Variants in PHACTR4 observed in about 807,000 individuals in gnomAD.
PHACTR4 encodes the protein protein phosphatase 1, regulatory subunit 124.
Under a neutral mutation model 72.7 loss-of-function variants are expected in PHACTR4, and 51 were observed. That is an observed-to-expected ratio of 0.70 (90% CI 0.56 to 0.89). PHACTR4 has a LOEUF of 0.89. Ranked by LOEUF, PHACTR4 falls within the 40% of genes least tolerant of loss-of-function variation. PHACTR4 has a pLI of 0.00. For synonymous variants in PHACTR4, 255 were observed against 302.5 expected (o/e 0.84, Z 1.63); for missense variants, 731 against 861.8 (o/e 0.85, Z 1.90).
chr1:28,405,197 G>C (rs1457433346), intron 1 of PHACTR4, among the ~76,000 whole-genome samples: 1 of 152,000 alleles, frequency 6.6e-6, no homozygotes, highest in Non-Finnish European at 1.5e-5. Context: ...TTGTTATTGA[G>C]TTATTGTTCT....
At chr1:28,455,023 C>T (rs566451108) in intron 2 of PHACTR4, among the ~76,000 whole-genome samples, 48 of 151,798 alleles carry the variant, frequency 3.2e-4, no homozygotes, top group African/African-American at 1.2e-3. Flanking sequence ...CCATACTCAG[C>T]TAATTTTTTT....
At chr1:28,425,190 C>T (rs779237094) in intron 2 of PHACTR4, among the ~76,000 whole-genome samples, 15 of 152,182 alleles carry the variant, frequency 9.9e-5, no homozygotes, top group Non-Finnish European at 1.3e-4. Context: ...CGATCTTCAG[C>T]TAACTGCAGC....
intron 11 of PHACTR4, 129 bp downstream of exon 11, chr1:28,491,141 G>A: frequency 3.3e-6 from 3 of 901,626 alleles, no homozygotes; most frequent in Non-Finnish European, 1.7e-6. Flanking sequence ...GGCCATGGCA[G>A]GAGGATTGCT....
chr1:28,465,981 G>A, intron 5 of PHACTR4, 132 bp downstream of exon 5: 1 of 873,104 alleles, frequency 1.1e-6, no homozygotes, highest in Non-Finnish European at 1.7e-6. Context: ...ACCTTAACTA[G>A]CAACTTCAAG....
At chr1:28,462,640 A>G (rs1269194963) in intron 4 of PHACTR4, among the ~76,000 whole-genome samples, 11 of 138,598 alleles carry the variant, frequency 7.9e-5, no homozygotes, top group African/African-American at 3.0e-4. Context: ...TTCTGGGATT[A>G]TAGGCATGAG....
chr1:28,458,572 T>A (rs1233091308), intron 2 of PHACTR4, among the ~76,000 whole-genome samples: 1 of 152,180 alleles, frequency 6.6e-6, no homozygotes, highest in African/African-American at 2.4e-5. Flanking sequence ...CCCTGAGCAC[T>A]TTCCAATACC....
intron 1 of PHACTR4, among the ~76,000 whole-genome samples, chr1:28,389,233 C>T (rs1247100824): frequency 1.3e-5 from 2 of 152,052 alleles, no homozygotes; most frequent in African/African-American, 4.8e-5. Flanking sequence ...AAATGGCCAA[C>T]AAGTATATGA....
intron 2 of PHACTR4, among the ~76,000 whole-genome samples, chr1:28,418,807 C>T (rs1317808852): frequency 3.3e-5 from 5 of 150,046 alleles, no homozygotes; most frequent in Non-Finnish European, 5.9e-5. Context: ...AAAATTTAGC[C>T]GGGCATGATG....
At chr1:28,434,921 T>C (rs1045198192) in intron 2 of PHACTR4, among the ~76,000 whole-genome samples, 6 of 152,200 alleles carry the variant, frequency 3.9e-5, no homozygotes, top group Non-Finnish European at 7.3e-5. Flanking sequence ...TCTATCTTGT[T>C]ATACTCTTGT....
At chr1:28,373,492 G>A (rs892513147) in intron 1 of PHACTR4, among the ~76,000 whole-genome samples, 7 of 152,120 alleles carry the variant, frequency 4.6e-5, no homozygotes, top group Non-Finnish European at 1.0e-4. Context: ...AATTCACCAT[G>A]TTGGCCAGAC....
At chr1:28,430,617 A>G (rs1185889345) in intron 2 of PHACTR4, among the ~76,000 whole-genome samples, 1 of 152,140 alleles carries the variant, frequency 6.6e-6, no homozygotes, top group Non-Finnish European at 1.5e-5. Flanking sequence ...TTTGATGTGA[A>G]TATGTATTTG....
At chr1:28,480,652 TTG>T in intron 9 of PHACTR4, 48 bp downstream of exon 9, 4 of 1,606,692 alleles carry the variant, frequency 2.5e-6, no homozygotes, top group South Asian at 1.1e-5. Context: ...ATGCCAGTAT[TTG>T]TGTTAGATGT....
chr1:28,370,078 C>A (rs569806897), intron 1 of PHACTR4, among the ~76,000 whole-genome samples: 2 of 152,150 alleles, frequency 1.3e-5, no homozygotes, highest in African/African-American at 2.4e-5. Flanking sequence ...TCTCCGCCCC[C>A]CGAGACTTGG....
At chr1:28,492,499 C>T (rs1327021880) in intron 12 of PHACTR4, among the ~76,000 whole-genome samples, 1 of 148,918 alleles carries the variant, frequency 6.7e-6, no homozygotes, top group African/African-American at 2.5e-5. Context: ...CAGTGGCTCA[C>T]ACCTGTAATC....
At chr1:28,490,319 C>T (rs974627733) in intron 10 of PHACTR4, among the ~76,000 whole-genome samples, 3 of 151,562 alleles carry the variant, frequency 2.0e-5, no homozygotes, top group African/African-American at 4.8e-5. Context: ...ATCACAAGGT[C>T]AGGAGATCGA....
rs1661556740 is a variant in PHACTR4 at position 28,499,627 on chromosome 1, C to G, written c.*3078C>G. The G allele has an allele frequency of 6.6e-6, 1 of 152,162 alleles. No individual in the cohort carries two copies. The highest frequency in any genetic ancestry group is 2.1e-4 in the South Asian group (1 of 4,826). The allele number at this position is 152,162 out of a possible 1,614,324, so 9.4% of individuals were successfully genotyped here. On this transcript the variant is annotated 3_prime_UTR_variant, in exon 14 of 14. Transcript: ENST00000373839. ...AAGTAGCTGGGACTACAGGCACGTG[C>G]CACCAGGCCCAGCTAATTTTTGTGT...
At position 28,392,127 on chromosome 1, in the gene PHACTR4, TC is replaced by T. The variant is rs1292243979; in HGVS notation, c.-38-15281del. Among the ~76,000 whole-genome samples the T allele has an allele frequency of 4.6e-5, 7 of 152,186 alleles. 1 individual carries two copies. The East Asian group carries it at 1.4e-3, about 29-fold the overall frequency. ...TGGTCTGAAGATATGAAAAAGAAAT[TC>T]CAGCAACAAACAATTCATTAGTTTT... On this transcript the variant is annotated intron_variant, in intron 1 of 13. Transcript: ENST00000373839.
intron 2 of PHACTR4, among the ~76,000 whole-genome samples, chr1:28,410,802 G>A (rs1028336648): frequency 2.0e-5 from 3 of 152,232 alleles, no homozygotes; most frequent in Admixed American, 6.5e-5. Context: ...CACCTCCCGG[G>A]TTCAAGTGAT....
intron 9 of PHACTR4, among the ~76,000 whole-genome samples, chr1:28,488,419 C>T (rs1660838427): frequency 6.6e-6 from 1 of 152,304 alleles, no homozygotes. Context: ...ATGTCATGAA[C>T]CCGGGAGGCG....
Sources: allele counts gnomAD v4.1 joint callset (sites outside exome capture counted in the v4.1 genomes callset), GRCh38; gene constraint gnomAD v4.1.1; transcripts MANE v1.5; gene names NCBI Gene and HGNC (gene_info 2026-07-23, HGNC 2026-07-21).